The following TCF7L2 variants were observed in gnomAD, a reference collection of about 807,000 sequenced individuals.
TCF7L2 encodes the protein transcription factor 7-like 2.
TCF7L2 carries 23 observed loss-of-function variants against 77.9 expected under a neutral mutation model. That is an observed-to-expected ratio of 0.30 (90% CI 0.21 to 0.42). The LOEUF is 0.42. TCF7L2 is among the 10% of genes least tolerant of loss of function. The pLI is 1.00. For synonymous variants in TCF7L2, 413 were observed against 340.2 expected, an observed-to-expected ratio of 1.21 and a Z score of -2.36; for missense variants, 654 against 793.1, an observed-to-expected ratio of 0.82 and a Z score of 2.11.
At chr10:113,026,885 G>T (rs1413726908) in intron 4 of TCF7L2, among the ~76,000 whole-genome samples, 1 of 152,216 alleles carries the variant, frequency 6.6e-6, no homozygotes, top group Admixed American at 6.5e-5. Flanking sequence ...ACTCGATGCT[G>T]TTGGAATTGA....
chr10:113,161,242 GA>G, intron 13 of TCF7L2: 1 of 357,440 alleles, frequency 2.8e-6, no homozygotes. Flanking sequence ...TTACAGTGCT[GA>G]AAAAGAAGCG....
intron 3 of TCF7L2, among the ~76,000 whole-genome samples, chr10:112,961,447 A>G (rs577560320): frequency 4.6e-5 from 7 of 152,276 alleles, no homozygotes; most frequent in African/African-American, 1.7e-4. Context: ...TTCTGGAGAG[A>G]GAAATGATTG....
intron 3 of TCF7L2, among the ~76,000 whole-genome samples, chr10:112,960,972 C>T (rs989083851): frequency 7.2e-5 from 11 of 152,066 alleles, no homozygotes; most frequent in South Asian, 2.1e-4. Flanking sequence ...GGATTACAGG[C>T]GCGAGCCATT....
rs563335902 is a variant in TCF7L2, at chr10:113,080,650, A to C, written c.552+40524A>C. Among the ~76,000 whole-genome samples, 5 of 152,334 alleles carry C rather than the reference A, an allele frequency of 3.3e-5. No homozygotes were observed. In the South Asian group the frequency reaches 1.0e-3, roughly 32 times the overall value. On this transcript the variant is annotated intron_variant, in intron 5 of 13. Coordinates refer to ENST00000627217, the MANE Select transcript of TCF7L2 (RefSeq NM_001146274.2). ...TAATATCTGAAAAGAACTTGTTTTCATTAAAGCCATTTCAATTTCGTACAT... is the reference window on the plus strand; with the variant it reads ...TAATATCTGAAAAGAACTTGTTTTCCTTAAAGCCATTTCAATTTCGTACAT...
intron 5 of TCF7L2, among the ~76,000 whole-genome samples, chr10:113,100,818 G>C (rs1375607331): frequency 6.6e-6 from 1 of 152,226 alleles, no homozygotes; most frequent in African/African-American, 2.4e-5. Context: ...GCTCACGCCT[G>C]TAATCCCAGC....
chr10:113,105,927 T>TAAAAC (rs1238152225), intron 5 of TCF7L2, among the ~76,000 whole-genome samples: 1 of 152,158 alleles, frequency 6.6e-6, no homozygotes, highest in South Asian at 2.1e-4. Context: ...TCTCCAGGAT[T>TAAAAC]AAAACAAAAC....
intron 5 of TCF7L2, among the ~76,000 whole-genome samples, chr10:113,103,242 A>G (rs920333501): frequency 6.6e-6 from 1 of 152,198 alleles, no homozygotes; most frequent in Non-Finnish European, 1.5e-5. Context: ...GCCCAGCTGT[A>G]TGAGAAGCTC....
chr10:113,130,208 G>T (rs1262444618), intron 5 of TCF7L2, among the ~76,000 whole-genome samples: 5 of 152,098 alleles, frequency 3.3e-5, no homozygotes, highest in Non-Finnish European at 5.9e-5. Flanking sequence ...GTTAAAAAAA[G>T]ATGGGGAGGA....
intron 11 of TCF7L2, 72 bp from the exon 12 acceptor site, chr10:113,157,949 C>T (rs2137356455): frequency 6.7e-7 from 1 of 1,490,202 alleles, no homozygotes; most frequent in Non-Finnish European, 9.1e-7. Flanking sequence ...CCTTCTCCTT[C>T]CAGGTGCGCC....
intron 4 of TCF7L2, among the ~76,000 whole-genome samples, chr10:112,967,973 A>G (rs186155849): frequency 6.6e-6 from 1 of 152,336 alleles, no homozygotes; most frequent in Non-Finnish European, 1.5e-5. Context: ...ATTGTTTTAA[A>G]ATTCTATTGA....
chr10:113,156,519 T>C (rs184418939), intron 11 of TCF7L2, among the ~76,000 whole-genome samples: 7 of 152,322 alleles, frequency 4.6e-5, no homozygotes, highest in East Asian at 1.9e-4. Flanking sequence ...CTGAAACATA[T>C]AGCAGTGTAA....
At chr10:113,040,273 T>C in intron 5 of TCF7L2, 147 bp downstream of exon 5, 1 of 691,924 alleles carries the variant, frequency 1.4e-6, no homozygotes, top group Non-Finnish European at 2.4e-6. Context: ...AGTTTATATC[T>C]ATAAGGTATT....
At chr10:113,116,081 G>A (rs2063697530) in intron 5 of TCF7L2, among the ~76,000 whole-genome samples, 1 of 152,144 alleles carries the variant, frequency 6.6e-6, no homozygotes, top group South Asian at 2.1e-4. Flanking sequence ...GTAGATGTAT[G>A]TAGCTGACAA....
intron 4 of TCF7L2, among the ~76,000 whole-genome samples, chr10:112,977,504 G>T (rs1026237086): frequency 3.3e-5 from 5 of 152,228 alleles, no homozygotes; most frequent in African/African-American, 1.2e-4. Flanking sequence ...TGAATTACCT[G>T]TTATGATCCG....
chr10:112,959,592 TCA>T (rs1365610096), intron 3 of TCF7L2, among the ~76,000 whole-genome samples: 2 of 152,206 alleles, frequency 1.3e-5, no homozygotes, highest in African/African-American at 4.8e-5. Flanking sequence ...GTACAAATGT[TCA>T]GTGTCTAGAT....
intron 8 of TCF7L2, among the ~76,000 whole-genome samples, chr10:113,147,088 A>G (rs2069603933): frequency 6.6e-6 from 1 of 152,170 alleles, no homozygotes; most frequent in African/African-American, 2.4e-5. Context: ...TTAGTCGCTA[A>G]TTGTTTCTAA....
At chr10:113,127,298 G>T (rs1359230320) in intron 5 of TCF7L2, among the ~76,000 whole-genome samples, 4 of 144,100 alleles carry the variant, frequency 2.8e-5, no homozygotes, top group Non-Finnish European at 3.0e-5. Flanking sequence ...CACCCTCCTC[G>T]CTCCCCTCCT....
intron 5 of TCF7L2, among the ~76,000 whole-genome samples, chr10:113,043,589 C>G (rs2052857990): frequency 6.6e-6 from 1 of 152,064 alleles, no homozygotes; most frequent in Non-Finnish European, 1.5e-5. Context: ...CCTGCCTTCC[C>G]TCTTCCTTCT....
At chr10:113,060,458 C>T (rs939592792) in intron 5 of TCF7L2, among the ~76,000 whole-genome samples, 9 of 152,074 alleles carry the variant, frequency 5.9e-5, no homozygotes, top group Admixed American at 2.6e-4. Context: ...GTTAGATAAA[C>T]TTGTTTTAAT....
Sources: gnomAD v4.1 joint callset for allele counts (sites outside exome capture counted in the v4.1 genomes callset) on GRCh38, gnomAD v4.1.1 for gene constraint, MANE v1.5 for transcripts, NCBI Gene and HGNC (gene_info 2026-07-23, HGNC 2026-07-21) for gene names.